The following PSMD12 variants were observed in gnomAD, a reference collection of about 807,000 sequenced individuals.
The protein encoded by PSMD12 is 26S proteasome non-ATPase regulatory subunit 12.
A neutral mutation model predicts 62.9 loss-of-function variants in PSMD12; 8 were observed. That is an observed-to-expected ratio of 0.13 (90% CI 0.07 to 0.23). The LOEUF (loss-of-function observed/expected upper bound fraction) is 0.23, where lower values mean the gene tolerates loss of function less well. PSMD12 is among the 10% of genes least tolerant of loss of function. PSMD12 has a pLI of 1.00. For synonymous variants in PSMD12, 173 were observed against 187.4 expected (o/e 0.92, Z 0.63); for missense variants, 424 against 550.2 (o/e 0.77, Z 2.29).
intron 7 of PSMD12, 113 bp from the exon 8 acceptor site, chr17:67,345,970 C>A: frequency 1.0e-6 from 1 of 1,002,796 alleles, no homozygotes; most frequent in Non-Finnish European, 1.5e-6. Flanking sequence ...AAAGTCTTGG[C>A]CGGGCGCAGT....
chr17:67,366,574 C>T lies in PSMD12; in HGVS notation c.-55G>A, dbSNP rs1387609595. On this transcript the variant is annotated 5_prime_UTR_variant, in exon 1 of 11. Transcript: ENST00000356126. The stretch of plus-strand genomic sequence containing the variant: ...CCCTGCTTCGGCCACCACTCGTCAC[C>T]CACACCGGAAGTTGCCCGCGCACCC... 2 of 1,515,630 alleles carry T rather than the reference C, an allele frequency of 1.3e-6. No homozygotes were observed. The highest frequency in any genetic ancestry group is 1.8e-6 in the Non-Finnish European group (2 of 1,120,110). The allele number at this position is 1,515,630 out of a possible 1,614,324, so 93.9% of individuals were successfully genotyped here.
At chr17:67,361,218 T>G (rs2042125010) in intron 1 of PSMD12, 1 of 152,234 alleles carries the variant, frequency 6.6e-6, no homozygotes, top group Non-Finnish European at 1.5e-5. Context: ...GCACCTCCTT[T>G]AATTCCTGAA....
chr17:67,351,651 G>A (rs2042019120), intron 3 of PSMD12, among the ~76,000 whole-genome samples: 1 of 151,906 alleles, frequency 6.6e-6, no homozygotes, highest in Non-Finnish European at 1.5e-5. Context: ...GTATAGTGGT[G>A]AGGTATGGGC....
chr17:67,347,622 T>C (rs2041980336), intron 5 of PSMD12, 137 bp from the exon 6 acceptor site: 1 of 807,434 alleles, frequency 1.2e-6, no homozygotes, highest in Non-Finnish European at 1.8e-6. Flanking sequence ...TGTTGACAAT[T>C]ACATTAAAAG....
chr17:67,356,557 C>CAAAAAAAAAAAAA (rs35353017), intron 3 of PSMD12, among the ~76,000 whole-genome samples: 9 of 14,992 alleles, frequency 6.0e-4, no homozygotes, highest in Non-Finnish European at 8.6e-4. Context: ...GACTCCGTCT[C>CAAAAAAAAAAAAA]AAAAAAAAAA....
intron 1 of PSMD12, among the ~76,000 whole-genome samples, chr17:67,365,630 T>C (rs1016619676): frequency 6.6e-6 from 1 of 152,174 alleles, no homozygotes. Flanking sequence ...AAGATATACA[T>C]ACGTACCAAC....
At chr17:67,357,085 T>C in intron 3 of PSMD12, 1 of 482,656 alleles carries the variant, frequency 2.1e-6, no homozygotes, top group Non-Finnish European at 3.6e-6. Flanking sequence ...ACACTCTAAG[T>C]ACAACACAAT....
rs2041946904 is a variant in PSMD12 at position 67,344,654 on chromosome 17, C to T, written c.1035G>A (p.Glu345=). Residue 345 remains glutamate, a synonymous_variant, in exon 9 of 11, where the codon GAG becomes GAA. Transcript: ENST00000356126. ...SPATDVFGST[E]EGEKRWKDLK... ...AGTCTTTCCACCTTTTTTCACCTTC[C>T]TCTGTAGAACCAAAAACATCCGTTG... 6.2e-7 allele frequency: 1 copy of T among 1,612,910 alleles called. No homozygotes were observed. The highest frequency in any genetic ancestry group is 8.5e-7 in the Non-Finnish European group (1 of 1,179,342).
chr17:67,340,161 A>G lies in PSMD12; in HGVS notation c.*682T>C, dbSNP rs2041898778. On this transcript the variant is annotated 3_prime_UTR_variant, in exon 11 of 11. Coordinates refer to ENST00000356126, the MANE Select transcript of PSMD12 (RefSeq NM_002816.5). ...ACTTAACACCCAATAAACTGTGTCA[A>G]TTATGTCAGCTGATTCTGTTGAACA... 1 of 151,148 alleles carries G rather than the reference A, an allele frequency of 6.6e-6. No individual in the cohort carries two copies. Among genetic ancestry groups the G allele is most frequent in the Non-Finnish European group, 1.5e-5 (1 of 67,846 alleles). The allele number at this position is 151,148 out of a possible 1,614,324, so 9.4% of individuals were successfully genotyped here.
intron 9 of PSMD12, among the ~76,000 whole-genome samples, chr17:67,343,088 T>C (rs2041930660): frequency 6.6e-6 from 1 of 152,094 alleles, no homozygotes; most frequent in African/African-American, 2.4e-5. Context: ...CCTTTACTGT[T>C]CTTATTGGTA....
Position 67,345,744 on chromosome 17 carries a change from C to G in PSMD12, c.908+1G>C. On this transcript the variant is annotated splice_donor_variant, in intron 8 of 10. Transcript: ENST00000356126. LOFTEE classifies it high-confidence loss of function. ...ATCATGCTAATTTCAAAAGTACTTA[C>G]TTGTATTTGGGAATTTCTTCTAACT... 1 of 1,593,518 alleles carries G rather than the reference C, an allele frequency of 6.3e-7. No homozygotes were observed. The highest frequency in any genetic ancestry group is 8.6e-7 in the Non-Finnish European group (1 of 1,162,566).
At chr17:67,357,904 G>T (rs1175427387) in intron 1 of PSMD12, among the ~76,000 whole-genome samples, 1 of 150,456 alleles carries the variant, frequency 6.6e-6, no homozygotes, top group Non-Finnish European at 1.5e-5. Flanking sequence ...TCAACTCAGT[G>T]TGGTAACACC....
chr17:67,366,334 G>A (rs2042178817), intron 1 of PSMD12, 78 bp downstream of exon 1: 2 of 1,353,060 alleles, frequency 1.5e-6, no homozygotes, highest in Admixed American at 2.0e-5. Context: ...CAGCCCGCAG[G>A]CCCCCTGAGG....
intron 1 of PSMD12, among the ~76,000 whole-genome samples, chr17:67,365,828 G>A (rs1244835207): frequency 6.6e-6 from 1 of 151,906 alleles, no homozygotes; most frequent in African/African-American, 2.4e-5. Flanking sequence ...CATTAAGAAT[G>A]CATAGCTTCC....
chr17:67,351,025 G>A (rs1417939561), intron 3 of PSMD12, among the ~76,000 whole-genome samples: 1 of 152,130 alleles, frequency 6.6e-6, no homozygotes, highest in Non-Finnish European at 1.5e-5. Flanking sequence ...GGAGGCGGGT[G>A]GGATTTGATT....
chr17:67,346,108 T>A (rs2041962978), intron 7 of PSMD12, among the ~76,000 whole-genome samples: 1 of 150,122 alleles, frequency 6.7e-6, no homozygotes, highest in Non-Finnish European at 1.5e-5. Flanking sequence ...TAAAAAAAAA[T>A]TAGGCCGGGC....
chr17:67,355,022 C>T (rs1300656781), intron 3 of PSMD12, among the ~76,000 whole-genome samples: 4 of 151,442 alleles, frequency 2.6e-5, no homozygotes, highest in Non-Finnish European at 5.9e-5. Flanking sequence ...TTCACATTCA[C>T]ATATTTTAGG....
Position 67,340,688 on chromosome 17 carries a change from G to T in PSMD12, c.*155C>A. The stretch of plus-strand genomic sequence containing the variant: ...CAAATGCAAAGTTAACAATGAACTT[G>T]GGGAACTGAAAGGTCAAAGGGAGTC... On this transcript the variant is annotated 3_prime_UTR_variant, in exon 11 of 11. Transcript: ENST00000356126. 2.0e-6 allele frequency: 1 copy of T among 507,856 alleles called. No homozygotes were observed. The highest frequency in any genetic ancestry group is 3.3e-6 in the Non-Finnish European group (1 of 307,638). The allele number at this position is 507,856 out of a possible 1,614,324, so 31.5% of individuals were successfully genotyped here.
At chr17:67,350,872 A>G (rs767750174) in intron 3 of PSMD12, among the ~76,000 whole-genome samples, 1 of 152,178 alleles carries the variant, frequency 6.6e-6, no homozygotes, top group Non-Finnish European at 1.5e-5. Flanking sequence ...CAAATCAGCA[A>G]ACATTTTCTG....
Sources: gnomAD v4.1 joint callset for allele counts (sites outside exome capture counted in the v4.1 genomes callset) on GRCh38, gnomAD v4.1.1 for gene constraint, MANE v1.5 for transcripts, NCBI Gene and HGNC (gene_info 2026-07-23, HGNC 2026-07-21) for gene names.